The following ERP44 variants were observed in gnomAD, a reference collection of about 807,000 sequenced individuals.
ERP44 encodes endoplasmic reticulum protein 44.
A neutral mutation model predicts 53.4 loss-of-function variants in ERP44; 25 were observed. The ratio of observed to expected loss-of-function variants is 0.47; its 90% CI spans 0.34 to 0.65. The LOEUF (loss-of-function observed/expected upper bound fraction) is 0.65, where lower values mean the gene tolerates loss of function less well. Among genes scored for constraint, ERP44 ranks in the 30% least tolerant of loss-of-function variants. ERP44 has a pLI of 0.01. For synonymous variants in ERP44, 145 were observed against 161.2 expected, an observed-to-expected ratio of 0.90 and a Z score of 0.76; for missense variants, 338 against 493.2, an observed-to-expected ratio of 0.69 and a Z score of 2.98.
At chr9:100,001,436 G>T (rs1830375471) in intron 10 of ERP44, among the ~76,000 whole-genome samples, 2 of 152,072 alleles carry the variant, frequency 1.3e-5, no homozygotes, top group African/African-American at 2.4e-5. Context: ...AAAAAGTAGG[G>T]TATTGAAGTC....
intron 1 of ERP44, among the ~76,000 whole-genome samples, chr9:100,096,047 G>A (rs928861068): frequency 8.0e-4 from 122 of 151,866 alleles, no homozygotes; most frequent in African/African-American, 2.8e-3. Context: ...GGACAATTAC[G>A]ACTAGTAACA....
intron 1 of ERP44, among the ~76,000 whole-genome samples, chr9:100,097,866 A>G (rs1350261081): frequency 2.0e-5 from 3 of 152,246 alleles, no homozygotes; most frequent in African/African-American, 7.2e-5. Flanking sequence ...TAAATTGTAA[A>G]GAAAGTAGTT....
chr9:100,060,047 C>A, intron 2 of ERP44, 53 bp downstream of exon 2: 2 of 1,283,498 alleles, frequency 1.6e-6, no homozygotes, highest in Non-Finnish European at 1.0e-6. Context: ...TATATATAAA[C>A]TAACTCTCTA....
intron 1 of ERP44, among the ~76,000 whole-genome samples, chr9:100,087,119 A>G (rs1826494256): frequency 6.6e-6 from 1 of 151,788 alleles, no homozygotes; most frequent in Non-Finnish European, 1.5e-5. Context: ...ATGGCAGAAC[A>G]GAATTCAAAC....
chr9:100,070,160 C>T (rs1826284309), intron 1 of ERP44, among the ~76,000 whole-genome samples: 1 of 152,202 alleles, frequency 6.6e-6, no homozygotes, highest in Non-Finnish European at 1.5e-5. Context: ...CTACTTTGTG[C>T]TGCACTGTAA....
At chr9:100,082,502 A>T (rs750877332) in intron 1 of ERP44, among the ~76,000 whole-genome samples, 1 of 152,018 alleles carries the variant, frequency 6.6e-6, no homozygotes, top group Admixed American at 6.6e-5. Context: ...CACTTCAATA[A>T]ACTGGTTTGG....
At chr9:100,027,770 T>A (rs979828225) in intron 4 of ERP44, among the ~76,000 whole-genome samples, 2 of 152,174 alleles carry the variant, frequency 1.3e-5, no homozygotes, top group African/African-American at 4.8e-5. Flanking sequence ...CTCCCTGCAA[T>A]GGTTATCCAT....
intron 4 of ERP44, among the ~76,000 whole-genome samples, chr9:100,023,674 T>C (rs1163974692): frequency 6.6e-6 from 1 of 152,034 alleles, no homozygotes; most frequent in Non-Finnish European, 1.5e-5. Flanking sequence ...CTTGAACTCC[T>C]GAGCTCAAGC....
chr9:100,007,809 G>T (rs1830436460), intron 8 of ERP44, 120 bp from the exon 9 acceptor site: 2 of 657,956 alleles, frequency 3.0e-6, no homozygotes, highest in African/African-American at 1.8e-5. Context: ...TATCCCGGGG[G>T]AAAAAAAAGG....
At chr9:100,002,036 T>C (rs1210933304) in intron 10 of ERP44, among the ~76,000 whole-genome samples, 3 of 151,932 alleles carry the variant, frequency 2.0e-5, no homozygotes, top group Non-Finnish European at 4.4e-5. Context: ...ATAATTATAA[T>C]AGGGTTTTTA....
At position 99,998,364 on chromosome 9, in the gene ERP44, G is replaced by A. The variant is rs369600088; in HGVS notation, c.1016+8142C>T. ...AACCTTTTGCCTTGCAGTTCCTCCC[G>A]CTTCCGCCACACGCGAGCTCCCGGA... is the stretch of plus-strand genomic sequence containing the variant. On this transcript the variant is annotated intron_variant, in intron 10 of 11. Transcript: ENST00000262455. 1,716 of 581,686 alleles carry A rather than the reference G, an allele frequency of 3.0e-3. 24 individuals are homozygous for A. Among genetic ancestry groups the A allele is most frequent in the Non-Finnish European group, 3.7e-4 (118 of 318,124 alleles). The allele number at this position is 581,686 out of a possible 1,614,324, so 36.0% of individuals were successfully genotyped here. A position where few individuals can be genotyped will look rare whatever the true frequency, so the allele number is the denominator to read the frequency against.
At position 100,032,556 on chromosome 9, in the gene ERP44, A is replaced by T. The variant is rs550231160; in HGVS notation, c.287-10330T>A. On this transcript the variant is annotated intron_variant, in intron 4 of 11. Transcript: ENST00000262455. Reference sequence around the variant, plus strand: ...TGGGCCGTATTTGTATAAATATGTTACTGGTATGTGTTCTAAAATTATAAG... The same window carrying T: ...TGGGCCGTATTTGTATAAATATGTTTCTGGTATGTGTTCTAAAATTATAAG... Among the ~76,000 whole-genome samples the T allele has an allele frequency of 2.0e-5, 3 of 152,322 alleles. No individual in the cohort carries two copies. The East Asian group carries it at 5.8e-4, about 29-fold the overall frequency.
intron 4 of ERP44, among the ~76,000 whole-genome samples, chr9:100,042,501 G>A (rs1320253265): frequency 6.6e-6 from 1 of 152,040 alleles, no homozygotes; most frequent in Non-Finnish European, 1.5e-5. Context: ...CAGTTTGGAG[G>A]TGACTCAAAA....
chr9:99,993,640 A>G (rs1221319260), intron 10 of ERP44, among the ~76,000 whole-genome samples: 5 of 152,242 alleles, frequency 3.3e-5, no homozygotes, highest in Admixed American at 2.0e-4. Flanking sequence ...AGCAATGGCA[A>G]CAAAAGCCAA....
At chr9:100,094,417 G>A (rs2118765427) in intron 1 of ERP44, among the ~76,000 whole-genome samples, 1 of 152,272 alleles carries the variant, frequency 6.6e-6, no homozygotes, top group Middle Eastern at 3.4e-3. Flanking sequence ...CAGCACTTTG[G>A]GAGGCCAAGG....
chr9:99,992,239 CTGA>C (rs1221882725), intron 10 of ERP44, among the ~76,000 whole-genome samples: 1 of 152,158 alleles, frequency 6.6e-6, no homozygotes, highest in Non-Finnish European at 1.5e-5. Flanking sequence ...ACCAGTAACC[CTGA>C]TGAACATGGA....
At position 100,007,568 on chromosome 9, in the gene ERP44, A is replaced by G; in HGVS notation, c.874+10T>C. 7.9e-7 allele frequency: 1 copy of G among 1,266,564 alleles called. No individual in the cohort carries two copies. The highest frequency in any genetic ancestry group is 1.2e-6 in the Non-Finnish European group (1 of 863,260). The allele number at this position is 1,266,564 out of a possible 1,614,324, so 78.5% of individuals were successfully genotyped here. A position where few individuals can be genotyped will look rare whatever the true frequency, so the allele number is the denominator to read the frequency against. ...AGAAATGATGAAAATAAACACCTTA[A>G]TCTGTCTACCTTTTTCACTTATTAA... is the stretch of plus-strand genomic sequence containing the variant. On this transcript the variant is annotated intron_variant, in intron 9 of 11. Transcript: ENST00000262455.
intron 10 of ERP44, among the ~76,000 whole-genome samples, chr9:100,000,930 T>C (rs1830369612): frequency 6.6e-6 from 1 of 152,146 alleles, no homozygotes; most frequent in Non-Finnish European, 1.5e-5. Context: ...TTCCTTGAGA[T>C]GTAATGTTAG....
intron 4 of ERP44, among the ~76,000 whole-genome samples, chr9:100,025,799 A>G (rs1830644772): frequency 6.6e-6 from 1 of 152,164 alleles, no homozygotes; most frequent in Non-Finnish European, 1.5e-5. Flanking sequence ...AATAATAATA[A>G]AAGACTGTAA....
Sources: gnomAD v4.1 joint callset for allele counts (sites outside exome capture counted in the v4.1 genomes callset) on GRCh38, gnomAD v4.1.1 for gene constraint, MANE v1.5 for transcripts, NCBI Gene and HGNC (gene_info 2026-07-23, HGNC 2026-07-21) for gene names.